The following EYA1 variants were observed in gnomAD, a reference collection of about 807,000 sequenced individuals.
EYA1 encodes the protein protein phosphatase EYA1.
In EYA1, 16 loss-of-function variants were observed where a neutral mutation model predicts 82.0. That is an observed-to-expected ratio of 0.20 (90% CI 0.13 to 0.30). The LOEUF is 0.30. EYA1 is among the 10% of genes least tolerant of loss of function. EYA1 has a pLI of 1.00. For synonymous variants in EYA1, 261 were observed against 264.4 expected, an observed-to-expected ratio of 0.99 and a Z score of 0.12; for missense variants, 633 against 730.7, an observed-to-expected ratio of 0.87 and a Z score of 1.54.
chr8:71,316,844 G>T (rs1821982256), intron 7 of EYA1, among the ~76,000 whole-genome samples: 1 of 152,186 alleles, frequency 6.6e-6, no homozygotes, highest in African/African-American at 2.4e-5. Flanking sequence ...CTATTCTCAA[G>T]CACTTTAAAG....
At chr8:71,242,852 A>G (rs1812650748) in intron 12 of EYA1, among the ~76,000 whole-genome samples, 1 of 144,198 alleles carries the variant, frequency 6.9e-6, no homozygotes, top group South Asian at 2.1e-4. Context: ...TCTCTGGCTC[A>G]TCGTAACCTC....
At chr8:71,403,898 G>A (rs943151612) in intron 2 of EYA1, 7 of 152,218 alleles carry the variant, frequency 4.6e-5, no homozygotes, top group Non-Finnish European at 1.0e-4. Context: ...GGAGGAGGTG[G>A]AGGGAAGGTT....
intron 2 of EYA1, among the ~76,000 whole-genome samples, chr8:71,505,940 A>G (rs1812162385): frequency 2.0e-5 from 3 of 152,034 alleles, no homozygotes; most frequent in African/African-American, 7.2e-5. Flanking sequence ...GTTCTCATGA[A>G]ACTGATGGTT....
intron 4 of EYA1, among the ~76,000 whole-genome samples, chr8:71,327,944 C>T (rs1158697886): frequency 6.6e-6 from 1 of 151,258 alleles, no homozygotes; most frequent in East Asian, 1.9e-4. Context: ...CAACCTCCGC[C>T]TCCTGGGTTC....
intron 3 of EYA1, among the ~76,000 whole-genome samples, chr8:71,340,405 G>C (rs1824985839): frequency 6.6e-6 from 1 of 152,128 alleles, no homozygotes; most frequent in Non-Finnish European, 1.5e-5. Flanking sequence ...CCCATTTATA[G>C]ATAAAGAACC....
At chr8:71,232,970 G>T (rs1383757781) in intron 12 of EYA1, among the ~76,000 whole-genome samples, 3 of 152,154 alleles carry the variant, frequency 2.0e-5, no homozygotes, top group Non-Finnish European at 4.4e-5. Flanking sequence ...ACCCGATGAG[G>T]TATATCATCA....
intron 2 of EYA1, among the ~76,000 whole-genome samples, chr8:71,413,461 A>G (rs909576557): frequency 2.6e-5 from 4 of 152,362 alleles, no homozygotes; most frequent in African/African-American, 9.6e-5. Context: ...TGGGAATCCA[A>G]TGAAAGGCAT....
intron 2 of EYA1, among the ~76,000 whole-genome samples, chr8:71,506,105 T>C (rs761818510): frequency 6.6e-6 from 1 of 152,186 alleles, no homozygotes; most frequent in Non-Finnish European, 1.5e-5. Flanking sequence ...CTTTCCTTTA[T>C]AAATTACCCA....
chr8:71,230,941 C>T (rs551003142), intron 12 of EYA1, among the ~76,000 whole-genome samples: 32 of 152,314 alleles, frequency 2.1e-4, no homozygotes, highest in African/African-American at 7.2e-4. Context: ...TTCTGAGCTG[C>T]AGATCTGTGC....
chr8:71,440,411 A>T (rs1806335688), intron 2 of EYA1, among the ~76,000 whole-genome samples: 1 of 152,178 alleles, frequency 6.6e-6, no homozygotes, highest in African/African-American at 2.4e-5. Context: ...AATAAAGACA[A>T]GAGGTGCAAT....
chr8:71,247,536 C>T (rs1398642190), intron 11 of EYA1, among the ~76,000 whole-genome samples: 2 of 152,172 alleles, frequency 1.3e-5, no homozygotes, highest in Non-Finnish European at 2.9e-5. Context: ...ATGATTCATA[C>T]TCCTTAGCAT....
rs371097429 is a variant in EYA1, at chr8:71,291,476, T to C, written c.826+7571A>G. 1.5e-3 allele frequency among the ~76,000 whole-genome samples: 232 copies of C among 152,296 alleles called. 1 individual carries two copies. The highest frequency in any genetic ancestry group is 5.3e-3 in the African/African-American group (220 of 41,570). ...ATTGTCTGCATGTGATCAGCACACG[T>C]GAAGGTAGATTTCAACATCAAGTTG... On this transcript the variant is annotated intron_variant, in intron 9 of 17. Coordinates refer to ENST00000340726, the MANE Select transcript of EYA1 (RefSeq NM_000503.6).
At chr8:71,266,063 C>G (rs933754668) in intron 11 of EYA1, among the ~76,000 whole-genome samples, 2 of 152,184 alleles carry the variant, frequency 1.3e-5, no homozygotes, top group African/African-American at 2.4e-5. Flanking sequence ...TTGTATCAAC[C>G]AGATCCTGTG....
intron 2 of EYA1, among the ~76,000 whole-genome samples, chr8:71,393,444 C>T (rs559465922): frequency 6.6e-6 from 1 of 152,126 alleles, no homozygotes; most frequent in African/African-American, 2.4e-5. Context: ...ATCCCTCCCC[C>T]CTCCAACCAC....
At chr8:71,411,561 G>C (rs1384789340) in intron 2 of EYA1, among the ~76,000 whole-genome samples, 1 of 150,310 alleles carries the variant, frequency 6.7e-6, no homozygotes, top group Non-Finnish European at 1.5e-5. Context: ...CCATCAAAAA[G>C]TGGGCGAAGG....
chr8:71,256,479 C>T (rs1202183445), intron 11 of EYA1, among the ~76,000 whole-genome samples: 1 of 151,980 alleles, frequency 6.6e-6, no homozygotes, highest in African/African-American at 2.4e-5. Context: ...TATGATTCCA[C>T]TTATATGAGG....
At chr8:71,508,267 T>G (rs973567367) in intron 2 of EYA1, among the ~76,000 whole-genome samples, 2 of 152,162 alleles carry the variant, frequency 1.3e-5, no homozygotes, top group Non-Finnish European at 2.9e-5. Context: ...TAGAGGGGTT[T>G]TGGGGGGTTT....
chr8:71,368,397 C>A (rs1267932230), intron 2 of EYA1, among the ~76,000 whole-genome samples: 1 of 152,028 alleles, frequency 6.6e-6, no homozygotes, highest in Non-Finnish European at 1.5e-5. Context: ...CACTTTCCTT[C>A]CTGTCTTTCC....
At chr8:71,334,212 T>A in intron 3 of EYA1, 38 bp from the exon 4 acceptor site, 1 of 1,388,844 alleles carries the variant, frequency 7.2e-7, no homozygotes, top group Non-Finnish European at 1.0e-6. Flanking sequence ...ATTGAATTAA[T>A]AGTTATTTGT....
Sources: allele counts gnomAD v4.1 joint callset (sites outside exome capture counted in the v4.1 genomes callset), GRCh38; gene constraint gnomAD v4.1.1; transcripts MANE v1.5; gene names NCBI Gene and HGNC (gene_info 2026-07-23, HGNC 2026-07-21).